SLC26A4: variants seen among roughly 807,000 people sequenced by gnomAD.
SLC26A4 encodes pendrin.
In SLC26A4, 93 loss-of-function variants were observed where a neutral mutation model predicts 90.4. The ratio of observed to expected loss-of-function variants is 1.03; its 90% CI spans 0.87 to 1.22. The LOEUF is 1.22. SLC26A4 is among the 50% of genes most tolerant of loss of function. The pLI is 0.00. For synonymous variants in SLC26A4, 393 were observed against 354.6 expected (o/e 1.11, Z -1.22); for missense variants, 1,127 against 946.2 (o/e 1.19, Z -2.51).
chr7:107,691,404 A>C (rs1265113724), intron 10 of SLC26A4, among the ~76,000 whole-genome samples: 1 of 151,804 alleles, frequency 6.6e-6, no homozygotes, highest in Non-Finnish European at 1.5e-5. Flanking sequence ...TGGGAGGCTG[A>C]GGCAGGAGAA....
chr7:107,697,947 A>G, intron 13 of SLC26A4, 95 bp from the exon 14 acceptor site: 1 of 797,176 alleles, frequency 1.3e-6, no homozygotes, highest in Non-Finnish European at 2.3e-6. Context: ...CCAAAACACC[A>G]GAATGATGGG....
chr7:107,715,059 T>C (rs2129320906), intron 20 of SLC26A4, among the ~76,000 whole-genome samples: 1 of 94,540 alleles, frequency 1.1e-5, no homozygotes, highest in African/African-American at 3.4e-5. Context: ...CCCCCGACCA[T>C]CTCTACTAAA....
intron 18 of SLC26A4, among the ~76,000 whole-genome samples, chr7:107,706,778 T>C (rs1304291180): frequency 6.6e-6 from 1 of 152,228 alleles, no homozygotes; most frequent in Non-Finnish European, 1.5e-5. Flanking sequence ...TAAATAATCA[T>C]ATTGCCATAA....
chr7:107,690,255 A>T lies in SLC26A4; in HGVS notation c.1263+18A>T. 1 of 1,349,318 alleles carries T rather than the reference A, an allele frequency of 7.4e-7. No homozygotes were observed. 83.6% of individuals were successfully genotyped at this position (1,349,318 alleles called of 1,614,324 possible). On this transcript the variant is annotated intron_variant, in intron 10 of 20. Transcript: ENST00000644269. ...AGACACAGGTAGGAACAACAGCCTTATGATATCCATCTCAGAGAACAAGTC... is the reference window on the plus strand; with the variant it reads ...AGACACAGGTAGGAACAACAGCCTTTTGATATCCATCTCAGAGAACAAGTC...
At chr7:107,674,102 GC>G in intron 4 of SLC26A4, 61 bp from the exon 5 acceptor site, 1 of 1,459,464 alleles carries the variant, frequency 6.9e-7, no homozygotes, top group South Asian at 1.1e-5. Context: ...TAAACCCTAT[GC>G]AGACACATTG....
Position 107,674,227 on chromosome 7 carries a change from A to G in SLC26A4, c.479A>G (p.His160Arg), listed in dbSNP as rs1790952840. Residue 160 changes from histidine to arginine, a missense_variant, in exon 5 of 21, where the codon CAC becomes CGC. By Grantham distance (29) the His-to-Arg change is conservative (BLOSUM62 0). Coordinates refer to ENST00000644269, the MANE Select transcript of SLC26A4 (RefSeq NM_000441.2). ...GTTCTGAGCATGGCCCCCGACGAACACTTTCTCGTATCCAGCAGCAATGGA... is the reference window on the plus strand; with the variant it reads ...GTTCTGAGCATGGCCCCCGACGAACGCTTTCTCGTATCCAGCAGCAATGGA... ...SVVLSMAPDE[H>R]FLVSSSNGTV... 6.2e-7 allele frequency: 1 copy of G among 1,614,022 alleles called. No homozygotes were observed. Among genetic ancestry groups the G allele is most frequent in the African/African-American group, 1.3e-5 (1 of 74,906 alleles).
At chr7:107,711,802 C>T (rs920488173) in intron 19 of SLC26A4, among the ~76,000 whole-genome samples, 4 of 152,182 alleles carry the variant, frequency 2.6e-5, no homozygotes, top group South Asian at 2.1e-4. Flanking sequence ...TAGACTTATC[C>T]TCTACCTTTC....
At chr7:107,712,654 G>T in intron 20 of SLC26A4, 32 bp downstream of exon 20, 1 of 1,123,674 alleles carries the variant, frequency 8.9e-7, no homozygotes, top group African/African-American at 1.5e-5. Flanking sequence ...GAAAATATTT[G>T]AATTACATTT....
chr7:107,698,370 T>G (rs1791799771), intron 14 of SLC26A4, among the ~76,000 whole-genome samples: 2 of 151,764 alleles, frequency 1.3e-5, no homozygotes, highest in African/African-American at 2.4e-5. Flanking sequence ...CAGGCTGGAG[T>G]GCAGAGGCAG....
chr7:107,679,851 A>C (rs1361784893), intron 6 of SLC26A4, among the ~76,000 whole-genome samples: 2 of 68,924 alleles, frequency 2.9e-5, no homozygotes, highest in Admixed American at 3.3e-4. Context: ...ATAATCTTAT[A>C]TTATTATATT....
At chr7:107,669,420 C>T (rs1345491488) in intron 3 of SLC26A4, among the ~76,000 whole-genome samples, 3 of 152,110 alleles carry the variant, frequency 2.0e-5, no homozygotes, top group Admixed American at 2.0e-4. Context: ...CTGCAGAGCC[C>T]AGTTTGGGGA....
intron 13 of SLC26A4, among the ~76,000 whole-genome samples, chr7:107,697,536 A>T (rs986017682): frequency 6.6e-6 from 1 of 152,134 alleles, no homozygotes; most frequent in Non-Finnish European, 1.5e-5. Context: ...GACAGGAAGG[A>T]CTTATTTCTG....
intron 19 of SLC26A4, among the ~76,000 whole-genome samples, chr7:107,712,323 A>G (rs1427855046): frequency 6.6e-6 from 1 of 152,238 alleles, no homozygotes; most frequent in African/African-American, 2.4e-5. Context: ...AAAGGAGTTT[A>G]CACAATGGAG....
chr7:107,690,368 G>A, intron 10 of SLC26A4, 131 bp downstream of exon 10: 2 of 701,934 alleles, frequency 2.8e-6, no homozygotes, highest in Non-Finnish European at 5.2e-6. Context: ...ATTCACCTCA[G>A]GCCTATTCCT....
At position 107,693,335 on chromosome 7, in the gene SLC26A4, T is replaced by G. The variant is rs886810169; in HGVS notation, c.1264-1068T>G. On this transcript the variant is annotated intron_variant, in intron 10 of 20. Transcript: ENST00000644269. ...TTTTAGTACCTCATACACATCATATTGCCTCAGGCTGACCCAACTATAATC... is the reference window on the plus strand; with the variant it reads ...TTTTAGTACCTCATACACATCATATGGCCTCAGGCTGACCCAACTATAATC... The G allele has an allele frequency of 1.8e-5, 18 of 985,394 alleles. No homozygotes were observed. In the South Asian group the frequency reaches 6.1e-4, roughly 33 times the overall value. 61.0% of individuals were successfully genotyped at this position (985,394 alleles called of 1,614,324 possible).
chr7:107,680,668 A>T (rs1023650921), intron 6 of SLC26A4, among the ~76,000 whole-genome samples: 7 of 151,882 alleles, frequency 4.6e-5, no homozygotes, highest in African/African-American at 1.4e-4. Context: ...GCAATTCTGT[A>T]ATATAAACTG....
chr7:107,666,245 A>G (rs775086238), intron 3 of SLC26A4, among the ~76,000 whole-genome samples: 6 of 152,178 alleles, frequency 3.9e-5, no homozygotes, highest in Non-Finnish European at 8.8e-5. Flanking sequence ...TTTTTGAGAC[A>G]GGGTCTTGCT....
chr7:107,672,244 A>T lies in SLC26A4; in HGVS notation c.411A>T (p.Ser137=), dbSNP rs1444214882. The T allele has an allele frequency of 1.9e-6, 3 of 1,563,142 alleles. No individual in the cohort carries two copies. The highest frequency in any genetic ancestry group is 2.7e-5 in the African/African-American group (2 of 73,884). Reference sequence around the variant, plus strand: ...TCTTTGGAACATCAAGACATATCTCAGTTGGTAATTATAAGTATATTTTAC... The same window carrying T: ...TCTTTGGAACATCAAGACATATCTCTGTTGGTAATTATAAGTATATTTTAC... The part of the protein sequence containing the change: ...YFIFGTSRHI[S]VGPFPVVSLM... The change falls in exon 4 of 21, where the codon TCA becomes TCT. Residue 137 remains serine (S), a synonymous_variant. Coordinates refer to ENST00000644269, the MANE Select transcript of SLC26A4 (RefSeq NM_000441.2).
At chr7:107,700,609 G>T (rs907126636) in intron 15 of SLC26A4, among the ~76,000 whole-genome samples, 4 of 152,174 alleles carry the variant, frequency 2.6e-5, no homozygotes, top group African/African-American at 9.7e-5. Context: ...AGGTAGGGTT[G>T]CCCAGTTGCA....
Sources: allele counts gnomAD v4.1 joint callset (sites outside exome capture counted in the v4.1 genomes callset), GRCh38; gene constraint gnomAD v4.1.1; transcripts MANE v1.5; gene names NCBI Gene and HGNC (gene_info 2026-07-23, HGNC 2026-07-21).